ADGRD1: variants seen among roughly 807,000 people sequenced by gnomAD.
ADGRD1 encodes G-protein coupled receptor 133.
A neutral mutation model predicts 113.4 loss-of-function variants in ADGRD1; 77 were observed. The observed-to-expected ratio is 0.68, with a 90% CI of 0.57 to 0.82. ADGRD1 has a LOEUF of 0.82. Among genes scored for constraint, ADGRD1 ranks in the 40% least tolerant of loss-of-function variants. The pLI is 0.00. For missense variants in ADGRD1, 1,036 were observed against 1,139.1 expected, an observed-to-expected ratio of 0.91 and a Z score of 1.30; for synonymous variants, 474 against 475.0, an observed-to-expected ratio of 1.00 and a Z score of 0.03.
intron 13 of ADGRD1, among the ~76,000 whole-genome samples, chr12:131,042,483 A>G (rs115481049): frequency 2.2e-3 from 330 of 152,364 alleles, no homozygotes; most frequent in African/African-American, 7.6e-3. Context: ...AAGAAATTAC[A>G]TGTGAGTTAA....
At chr12:131,076,347 G>A (rs1319997579) in intron 13 of ADGRD1, among the ~76,000 whole-genome samples, 1 of 152,168 alleles carries the variant, frequency 6.6e-6, no homozygotes, top group Non-Finnish European at 1.5e-5. Context: ...GAAAACATCA[G>A]TGAGTGGAAT....
intron 13 of ADGRD1, among the ~76,000 whole-genome samples, chr12:131,055,670 AT>A (rs1427403586): frequency 6.6e-6 from 1 of 152,186 alleles, no homozygotes; most frequent in African/African-American, 2.4e-5. Context: ...AAACTGTTTC[AT>A]TTGTGAACTT....
intron 13 of ADGRD1, among the ~76,000 whole-genome samples, 184 bp downstream of exon 13, chr12:131,014,524 C>T (rs1003278904): frequency 7.2e-5 from 11 of 152,208 alleles, no homozygotes; most frequent in Admixed American, 5.9e-4. Flanking sequence ...GTGGGAGGCC[C>T]CTCGCATAGT....
chr12:131,039,012 C>T (rs538647293), intron 13 of ADGRD1, among the ~76,000 whole-genome samples: 97 of 152,364 alleles, frequency 6.4e-4, no homozygotes, highest in African/African-American at 2.2e-3. Context: ...TCCCCAGAGC[C>T]TCTCCAGGCC....
chr12:131,049,438 C>T (rs1883163197), intron 13 of ADGRD1, among the ~76,000 whole-genome samples: 1 of 152,250 alleles, frequency 6.6e-6, no homozygotes, highest in Non-Finnish European at 1.5e-5. Flanking sequence ...TCCATGCCTA[C>T]TTTTCCCTCA....
intron 13 of ADGRD1, among the ~76,000 whole-genome samples, chr12:131,019,370 C>T (rs1879028182): frequency 6.6e-6 from 1 of 152,192 alleles, no homozygotes; most frequent in Non-Finnish European, 1.5e-5. Flanking sequence ...GGATGCTACC[C>T]ACACACCACC....
At chr12:131,131,611 G>GT in intron 20 of ADGRD1, 114 bp from the exon 21 acceptor site, 1 of 693,762 alleles carries the variant, frequency 1.4e-6, no homozygotes, top group Non-Finnish European at 2.5e-6. Flanking sequence ...CTGTGTCCCA[G>GT]GAGCCCTGGC....
chr12:131,133,553 C>T (rs1178880785), intron 21 of ADGRD1, among the ~76,000 whole-genome samples: 3 of 152,242 alleles, frequency 2.0e-5, no homozygotes, highest in Non-Finnish European at 4.4e-5. Flanking sequence ...ATCCTTCCCA[C>T]CTGCGTCTGC....
chr12:130,996,526 G>C (rs1228243265), intron 8 of ADGRD1, among the ~76,000 whole-genome samples: 1 of 126,196 alleles, frequency 7.9e-6, no homozygotes, highest in Admixed American at 7.6e-5. Context: ...CTGGCCGGGC[G>C]GGGGGCTGAC....
chr12:131,105,010 C>G, intron 16 of ADGRD1, 76 bp downstream of exon 16: 1 of 1,045,588 alleles, frequency 9.6e-7, no homozygotes, highest in Non-Finnish European at 1.4e-6. Flanking sequence ...GGAAGAGACA[C>G]GGGAGAGGGG....
At chr12:131,104,200 C>T (rs1195223043) in intron 15 of ADGRD1, among the ~76,000 whole-genome samples, 2 of 152,280 alleles carry the variant, frequency 1.3e-5, no homozygotes, top group Middle Eastern at 3.4e-3. Flanking sequence ...AGGCGGCAGC[C>T]ATTGTGCGGG....
rs1884003988 is a variant in ADGRD1, at chr12:131,057,804, C to G, written c.1474-18997C>G. ...TGGGGAAACCGTTCAACCCACAACA[C>G]AGGTGGAGCTGGGATGAGGCAGAAA... On this transcript the variant is annotated intron_variant, in intron 13 of 24. Coordinates refer to ENST00000261654, the MANE Select transcript of ADGRD1 (RefSeq NM_198827.5). This position sits in a 1 kb window ranked among gnomAD's most constrained non-coding sequence, Gnocchi z 4.2. 6.6e-6 allele frequency among the ~76,000 whole-genome samples: 1 copy of G among 152,180 alleles called. No individual in the cohort carries two copies. The highest frequency in any genetic ancestry group is 1.5e-5 in the Non-Finnish European group (1 of 68,030).
chr12:131,060,795 T>C lies in ADGRD1; in HGVS notation c.1474-16006T>C, dbSNP rs572812934. On this transcript the variant is annotated intron_variant, in intron 13 of 24. Coordinates refer to ENST00000261654, the MANE Select transcript of ADGRD1 (RefSeq NM_198827.5). This position sits in a 1 kb window ranked among gnomAD's most constrained non-coding sequence, Gnocchi z 4.4. Reference sequence around the variant, plus strand: ...AATGTAAAATCACTTATGATCTCACTGCCTGGAGATCCCATTGCCTGGATT... The same window carrying C: ...AATGTAAAATCACTTATGATCTCACCGCCTGGAGATCCCATTGCCTGGATT... Among the ~76,000 whole-genome samples the C allele has an allele frequency of 2.6e-5, 4 of 152,176 alleles. No individual in the cohort carries two copies. The highest frequency in any genetic ancestry group is 5.9e-5 in the Non-Finnish European group (4 of 68,024).
chr12:131,007,794 T>C (rs1250759190), intron 12 of ADGRD1, among the ~76,000 whole-genome samples: 2 of 152,226 alleles, frequency 1.3e-5, no homozygotes, highest in Admixed American at 1.3e-4. Flanking sequence ...ATGGAACATG[T>C]TTTTCATTTG....
intron 13 of ADGRD1, among the ~76,000 whole-genome samples, chr12:131,045,814 C>T (rs1448644989): frequency 6.6e-6 from 1 of 152,142 alleles, no homozygotes; most frequent in African/African-American, 2.4e-5. Context: ...GTCCTCAGGG[C>T]GGGCACAGGC....
intron 13 of ADGRD1, among the ~76,000 whole-genome samples, chr12:131,053,286 T>C (rs1883564035): frequency 1.3e-5 from 2 of 152,258 alleles, no homozygotes; most frequent in Admixed American, 1.3e-4. Flanking sequence ...GTTCCTGTGC[T>C]GTGAACATTT....
Position 131,118,458 on chromosome 12 carries a change from G to T in ADGRD1, c.2108+7G>T, listed in dbSNP as rs189574052. 2.5e-6 allele frequency: 4 copies of T among 1,601,186 alleles called. No individual in the cohort carries two copies. The highest frequency in any genetic ancestry group is 1.3e-5 in the African/African-American group (1 of 74,374). On this transcript the variant is annotated splice_region_variant and intron_variant, in intron 19 of 24. Coordinates refer to ENST00000261654, the MANE Select transcript of ADGRD1 (RefSeq NM_198827.5). ...GTTACGGAACAAGCAACAAGTAAGT[G>T]CAGGGCTTTGCCTTGCTTTTGGCAG... is the stretch of plus-strand genomic sequence containing the variant.
At chr12:131,087,906 T>A (rs1166757862) in intron 15 of ADGRD1, among the ~76,000 whole-genome samples, 2 of 152,104 alleles carry the variant, frequency 1.3e-5, no homozygotes, top group Non-Finnish European at 2.9e-5. Flanking sequence ...GTAGAAACAG[T>A]TCCTGGGTTT....
In ADGRD1 at chr12:131,104,784, TG is replaced by T. The variant is rs1173057522; in HGVS notation, c.1672-43del. Reference sequence around the variant, plus strand: ...GGCCCTCTGCAGCTTCAGGCTCCGATGGGGTGCCTGGGCCTGCTGCTGACGC... The same window carrying T: ...GGCCCTCTGCAGCTTCAGGCTCCGATGGGTGCCTGGGCCTGCTGCTGACGC... On this transcript the variant is annotated intron_variant, in intron 15 of 24. Coordinates refer to ENST00000261654, the MANE Select transcript of ADGRD1 (RefSeq NM_198827.5). 4 of 1,350,790 alleles carry T rather than the reference TG, an allele frequency of 3.0e-6. No individual in the cohort carries two copies. The African/African-American group carries it at 5.8e-5, about 20-fold the overall frequency. The allele number at this position is 1,350,790 out of a possible 1,614,324, so 83.7% of individuals were successfully genotyped here. A position where few individuals can be genotyped will look rare whatever the true frequency, so the allele number is the denominator to read the frequency against.
Sources: allele counts gnomAD v4.1 joint callset (sites outside exome capture counted in the v4.1 genomes callset), GRCh38; gene constraint gnomAD v4.1.1; non-coding constraint Gnocchi (gnomAD v3.1); transcripts MANE v1.5; gene names NCBI Gene and HGNC (gene_info 2026-07-23, HGNC 2026-07-21).